The following ZDHHC11 variants were observed in gnomAD, a reference collection of about 807,000 sequenced individuals.
The protein encoded by ZDHHC11 is palmitoyltransferase ZDHHC11.
A neutral mutation model predicts 51.3 loss-of-function variants in ZDHHC11; 44 were observed. The observed-to-expected ratio is 0.86, with a 90% CI of 0.67 to 1.10. ZDHHC11 has a LOEUF of 1.10. Ranked by LOEUF, ZDHHC11 falls within the 50% of genes least tolerant of loss-of-function variation. The pLI is 0.00. For missense variants in ZDHHC11, 400 were observed against 537.7 expected, an observed-to-expected ratio of 0.74 and a Z score of 2.53; for synonymous variants, 163 against 222.0, an observed-to-expected ratio of 0.73 and a Z score of 2.36.
intron 7 of ZDHHC11, 50 bp from the exon 8 acceptor site, chr5:825,301 A>C (rs2335581): frequency 6.3e-7 from 1 of 1,578,188 alleles, no homozygotes. Context: ...TTGTAGGGGG[A>C]CTCAGGGTGG....
rs1223104988 is a variant in ZDHHC11, at chr5:824,647, C to G, written c.1023+517G>C. On this transcript the variant is annotated intron_variant, in intron 8 of 12. Coordinates refer to ENST00000283441, the MANE Select transcript of ZDHHC11 (RefSeq NM_024786.3). ...TGACCACACACCACACACAAAACCA[C>G]ACACATAACCACACCCCCCCACATA... 4.0e-5 allele frequency among the ~76,000 whole-genome samples: 6 copies of G among 151,454 alleles called. No homozygotes were observed. In the East Asian group the frequency reaches 1.2e-3, roughly 29 times the overall value.
intron 12 of ZDHHC11, among the ~76,000 whole-genome samples, chr5:797,048 A>G (rs1321071371): frequency 1.3e-5 from 2 of 151,232 alleles, no homozygotes; most frequent in East Asian, 3.9e-4. Flanking sequence ...TCTACTAAAA[A>G]TACAAAAAAT....
chr5:844,001 CA>C (rs1745649080), intron 3 of ZDHHC11, among the ~76,000 whole-genome samples: 1 of 23,844 alleles, frequency 4.2e-5, no homozygotes, highest in Non-Finnish European at 8.3e-5. Flanking sequence ...GCATCTGGGG[CA>C]GGGGCGGGGG....
intron 1 of ZDHHC11, among the ~76,000 whole-genome samples, chr5:858,299 A>ATGACACCAGGCCCCTAGAGTCTGTCCC (rs1748563739): frequency 1.6e-5 from 1 of 61,802 alleles, no homozygotes; most frequent in Non-Finnish European, 2.9e-5. Context: ...GAGTCTGTCC[A>ATGACACCAGGCCCCTAGAGTCTGTCCC]GGTCCCAACC....
At chr5:799,421 A>T (rs1348356970) in intron 12 of ZDHHC11, among the ~76,000 whole-genome samples, 1 of 151,474 alleles carries the variant, frequency 6.6e-6, no homozygotes, top group Non-Finnish European at 1.5e-5. Flanking sequence ...TTTCTTTATA[A>T]ATTACCCAGG....
chr5:837,916 G>C (rs1401981587), intron 5 of ZDHHC11, among the ~76,000 whole-genome samples: 1 of 151,956 alleles, frequency 6.6e-6, no homozygotes, highest in Non-Finnish European at 1.5e-5. Flanking sequence ...CAGATGGCCT[G>C]TGGGGTTCCC....
At chr5:806,415 CTCAAAA>C (rs1739263994) in intron 11 of ZDHHC11, among the ~76,000 whole-genome samples, 1 of 151,194 alleles carries the variant, frequency 6.6e-6, no homozygotes. Context: ...AGTCTTAGCT[CTCAAAA>C]TCAAAACTGA....
chr5:840,676 T>C lies in ZDHHC11; in HGVS notation c.629-26A>G, dbSNP rs531576730. ...CTGGGGAGACAAGGGAGAGCCACTG[T>C]GTCCAGCACCTGCTGACGGGTGCCA... On this transcript the variant is annotated intron_variant, in intron 4 of 12. Transcript: ENST00000283441. 5.0e-6 allele frequency: 8 copies of C among 1,612,846 alleles called. No homozygotes were observed. In the African/African-American group the frequency reaches 1.1e-4, roughly 21 times the overall value.
intron 1 of ZDHHC11, among the ~76,000 whole-genome samples, chr5:856,850 C>T (rs1748327862): frequency 6.6e-6 from 1 of 151,340 alleles, no homozygotes; most frequent in Admixed American, 6.6e-5. Context: ...CCAAACATCA[C>T]ACCACATACT....
At chr5:845,136 C>G (rs1181007505) in intron 3 of ZDHHC11, among the ~76,000 whole-genome samples, 1 of 152,424 alleles carries the variant, frequency 6.6e-6, no homozygotes, top group East Asian at 1.9e-4. Context: ...TCTGGATAAT[C>G]CAGGGGTGAC....
chr5:846,437 ATCCTCC>A (rs1216255275), intron 3 of ZDHHC11, among the ~76,000 whole-genome samples: 2 of 150,898 alleles, frequency 1.3e-5, no homozygotes, highest in Admixed American at 6.6e-5. Flanking sequence ...GAGTCCCTGG[ATCCTCC>A]ACTGTGCTCA....
rs553650643 is a variant in ZDHHC11 at position 815,725 on chromosome 5, T to A, written c.1147-930A>T. ...CATCATCTTTCATCCCCATCAGCAATGGATGAGACTTCCAATTCTCCCACA... is the reference window on the plus strand; with the variant it reads ...CATCATCTTTCATCCCCATCAGCAAAGGATGAGACTTCCAATTCTCCCACA... On this transcript the variant is annotated intron_variant, in intron 10 of 12. Transcript: ENST00000283441. Among the ~76,000 whole-genome samples, 11 of 151,696 alleles carry A rather than the reference T, an allele frequency of 7.3e-5. No individual in the cohort carries two copies. In the East Asian group the frequency reaches 2.1e-3, roughly 29 times the overall value.
At chr5:819,644 C>T (rs1355647547) in intron 9 of ZDHHC11, 32 bp from the exon 10 acceptor site, 1 of 1,601,492 alleles carries the variant, frequency 6.2e-7, no homozygotes, top group East Asian at 2.2e-5. Flanking sequence ...AAGAAACACA[C>T]CACAGTTTTG....
At chr5:825,975 A>AC (rs1742311587) in intron 7 of ZDHHC11, among the ~76,000 whole-genome samples, 3 of 140,382 alleles carry the variant, frequency 2.1e-5, no homozygotes, top group African/African-American at 7.7e-5. Context: ...GCCGCCGAGG[A>AC]CCTCCACAGA....
intron 12 of ZDHHC11, among the ~76,000 whole-genome samples, chr5:799,881 C>T (rs1173430068): frequency 6.6e-6 from 1 of 151,456 alleles, no homozygotes; most frequent in Non-Finnish European, 1.5e-5. Flanking sequence ...CCTTCAATCT[C>T]AGTGGATTTG....
rs1371962808 is a variant in ZDHHC11 at position 837,603 on chromosome 5, C to G, written c.785-123G>C. On this transcript the variant is annotated intron_variant, in intron 5 of 12. Transcript: ENST00000283441. ...CGGCCCCTGCACAGGGAGAACTGCT[C>G]CGCCCACCATGCAGGCCCTGTGAGG... is the stretch of plus-strand genomic sequence containing the variant. 1.3e-5 allele frequency: 14 copies of G among 1,063,214 alleles called. 1 individual carries two copies. Among genetic ancestry groups the G allele is most frequent in the Non-Finnish European group, 2.0e-5 (14 of 706,682 alleles). 65.9% of individuals were successfully genotyped at this position (1,063,214 alleles called of 1,614,324 possible).
chr5:829,933 GC>G (rs1742863218), intron 7 of ZDHHC11, among the ~76,000 whole-genome samples: 1 of 151,080 alleles, frequency 6.6e-6, no homozygotes, highest in Non-Finnish European at 1.5e-5. Context: ...GACAAACTCT[GC>G]CATCCCTTTA....
intron 10 of ZDHHC11, among the ~76,000 whole-genome samples, chr5:817,579 TA>T (rs1388254337): frequency 6.6e-6 from 1 of 151,458 alleles, no homozygotes; most frequent in Admixed American, 6.6e-5. Context: ...AGGACAACTG[TA>T]TATTTAGTAT....
At chr5:803,092 C>T (rs1225664715) in intron 11 of ZDHHC11, among the ~76,000 whole-genome samples, 2 of 151,002 alleles carry the variant, frequency 1.3e-5, no homozygotes, top group African/African-American at 2.4e-5. Flanking sequence ...CAGCTACCGC[C>T]TCGATTTCTT....
Sources: allele counts gnomAD v4.1 joint callset (sites outside exome capture counted in the v4.1 genomes callset), GRCh38; gene constraint gnomAD v4.1.1; transcripts MANE v1.5; gene names NCBI Gene and HGNC (gene_info 2026-07-23, HGNC 2026-07-21).